OSMR: variants seen among roughly 807,000 people sequenced by gnomAD.
The protein encoded by OSMR is oncostatin M receptor.
OSMR carries 81 observed loss-of-function variants against 99.9 expected under a neutral mutation model. The ratio of observed to expected loss-of-function variants is 0.81; its 90% CI spans 0.68 to 0.97. The LOEUF is 0.97. Ranked by LOEUF, OSMR falls within the 50% of genes least tolerant of loss-of-function variation. The pLI is 0.00. For synonymous variants in OSMR, 406 were observed against 410.4 expected, an observed-to-expected ratio of 0.99 and a Z score of 0.13; for missense variants, 1,099 against 1,153.4, an observed-to-expected ratio of 0.95 and a Z score of 0.68.
chr5:38,922,885 C>T (rs983900152), intron 12 of OSMR: 2 of 152,304 alleles, frequency 1.3e-5, no homozygotes, highest in African/African-American at 4.8e-5. Context: ...AAGTGAGTCT[C>T]CTTCCTCAGC....
At chr5:38,938,332 T>C (rs1000955059), downstream of OSMR, 1 of 228,674 alleles carries the variant, frequency 4.4e-6, no homozygotes, top group Non-Finnish European at 8.7e-6. Flanking sequence ...TTTACACCAT[T>C]TGTTTTACAA....
intron 2 of OSMR, among the ~76,000 whole-genome samples, chr5:38,871,054 G>A (rs112386270): frequency 1.4e-4 from 21 of 152,286 alleles, no homozygotes; most frequent in African/African-American, 5.1e-4. Context: ...AGTAGGAAGT[G>A]GGGAACAGAG....
In OSMR at chr5:38,934,342, A is replaced by G. The variant is rs1024472980; in HGVS notation, c.*898A>G. ...TCTGCAGTAGGTTGTCTGGGTCAAGATAACTCTCAGTCACATTTATATTCA... is the reference window on the plus strand; with the variant it reads ...TCTGCAGTAGGTTGTCTGGGTCAAGGTAACTCTCAGTCACATTTATATTCA... On this transcript the variant is annotated 3_prime_UTR_variant, in exon 18 of 18. Coordinates refer to ENST00000274276, the MANE Select transcript of OSMR (RefSeq NM_003999.3). 7 of 152,500 alleles carry G rather than the reference A, an allele frequency of 4.6e-5. No homozygotes were observed. The highest frequency in any genetic ancestry group is 1.7e-4 in the African/African-American group (7 of 41,462). 9.4% of individuals were successfully genotyped at this position (152,500 alleles called of 1,614,324 possible). A position where few individuals can be genotyped will look rare whatever the true frequency, so the allele number is the denominator to read the frequency against.
chr5:38,863,924 T>G (rs1441604632), intron 1 of OSMR, among the ~76,000 whole-genome samples: 1 of 98,534 alleles, frequency 1.0e-5, no homozygotes, highest in Non-Finnish European at 2.5e-5. Context: ...AACTTTCTTT[T>G]TCTCTTTTTC....
Position 38,933,045 on chromosome 5 carries a change from C to T in OSMR, c.2541C>T (p.His847=). ...YLYLLPTEKN[H]SGPGPCICFE... is the part of the protein sequence containing the mutation. ...ATCTCCTTCCAACAGAAAAGAATCA[C>T]TCTGGCCCTGGCCCCTGCATCTGTT... The change falls in exon 18 of 18, where the codon CAC becomes CAT. Residue 847 remains histidine (H), a synonymous_variant. Coordinates refer to ENST00000274276, the MANE Select transcript of OSMR (RefSeq NM_003999.3). 6.2e-7 allele frequency: 1 copy of T among 1,614,168 alleles called. No homozygotes were observed. Among genetic ancestry groups the T allele is most frequent in the Non-Finnish European group, 8.5e-7 (1 of 1,180,012 alleles).
At chr5:38,884,179 T>A in intron 5 of OSMR, 68 bp downstream of exon 5, 1 of 1,191,986 alleles carries the variant, frequency 8.4e-7, no homozygotes, top group Non-Finnish European at 1.3e-6. Context: ...TCTCCTTTAC[T>A]AGAAGACAAA....
downstream of OSMR, among the ~76,000 whole-genome samples, chr5:38,935,901 A>T (rs1002016739): frequency 6.6e-6 from 1 of 152,204 alleles, no homozygotes; most frequent in Admixed American, 6.5e-5. Context: ...TGCCAATAGG[A>T]AATGCTGGGC....
chr5:38,859,943 T>A (rs1194210985), intron 1 of OSMR, among the ~76,000 whole-genome samples: 1 of 152,208 alleles, frequency 6.6e-6, no homozygotes, highest in Admixed American at 6.5e-5. Context: ...TTCTAAAACT[T>A]TACTGAATTC....
chr5:38,890,930 C>T lies in OSMR; in HGVS notation c.991+4740C>T, dbSNP rs569542490. Among the ~76,000 whole-genome samples, 6 of 152,170 alleles carry T rather than the reference C, an allele frequency of 3.9e-5. No individual in the cohort carries two copies. In the East Asian group the frequency reaches 9.7e-4, roughly 25 times the overall value. On this transcript the variant is annotated intron_variant, in intron 7 of 17. Transcript: ENST00000274276. ...AGCCAGGCAGAATACTTGGCATGCC[C>T]GAATACTGGGGGAATCCCATTCTAT...
At chr5:38,925,915 A>G (rs357290) in intron 15 of OSMR, among the ~76,000 whole-genome samples, 8,809 of 152,222 alleles carry the variant, frequency 0.058, 553 homozygotes, top group African/African-American at 0.15. Context: ...CTTGCTCACA[A>G]ACTCCCTGTT....
intron 17 of OSMR, 83 bp from the exon 18 acceptor site, chr5:38,932,789 G>C: frequency 1.9e-6 from 3 of 1,590,654 alleles, no homozygotes; most frequent in Middle Eastern, 4.3e-4. Context: ...AGCTCTAAGT[G>C]TATTTCACAT....
intron 1 of OSMR, among the ~76,000 whole-genome samples, chr5:38,864,482 A>G (rs544014242): frequency 1.5e-4 from 22 of 151,022 alleles, no homozygotes; most frequent in African/African-American, 5.3e-4. Context: ...TCTTGGAAAG[A>G]CTATTTCTCT....
intron 7 of OSMR, among the ~76,000 whole-genome samples, chr5:38,896,002 T>A (rs1744485672): frequency 6.6e-6 from 1 of 152,022 alleles, no homozygotes; most frequent in Non-Finnish European, 1.5e-5. Context: ...TCTGTTCTAC[T>A]GGTCTATGTA....
chr5:38,942,774 C>A (rs2112783635), intron 1 of OSMR: 9 of 1,359,098 alleles, frequency 6.6e-6, no homozygotes, highest in Middle Eastern at 2.0e-4. Context: ...TATTTTAATT[C>A]AATTCAAACA....
intron 7 of OSMR, among the ~76,000 whole-genome samples, chr5:38,894,759 A>G: frequency 6.6e-6 from 1 of 152,130 alleles, no homozygotes; most frequent in East Asian, 1.9e-4. Flanking sequence ...ACAAAAAAAT[A>G]GTTGGGGACT....
chr5:38,920,608 T>C (rs1204594096), intron 11 of OSMR, among the ~76,000 whole-genome samples: 1 of 152,228 alleles, frequency 6.6e-6, no homozygotes, highest in Non-Finnish European at 1.5e-5. Context: ...TGGGTGCCCC[T>C]AGCTGGATGA....
chr5:38,930,595 A>C (rs1307351014), intron 15 of OSMR, among the ~76,000 whole-genome samples: 1 of 152,216 alleles, frequency 6.6e-6, no homozygotes, highest in East Asian at 1.9e-4. Context: ...AGGGATGTTT[A>C]CCAACCCAGC....
chr5:38,905,768 C>T (rs554587632), intron 9 of OSMR, among the ~76,000 whole-genome samples: 49 of 152,280 alleles, frequency 3.2e-4, no homozygotes, highest in African/African-American at 1.1e-3. Context: ...GTTATTACAA[C>T]CTCTAGATCT....
At chr5:38,903,770 AG>A in intron 7 of OSMR, 111 bp from the exon 8 acceptor site, 6 of 1,514,928 alleles carry the variant, frequency 4.0e-6, no homozygotes, top group Non-Finnish European at 5.3e-6. Context: ...TGTTCTCAAA[AG>A]TGAACAAAAA....
Sources: gnomAD v4.1 joint callset for allele counts (sites outside exome capture counted in the v4.1 genomes callset) on GRCh38, gnomAD v4.1.1 for gene constraint, MANE v1.5 for transcripts, NCBI Gene and HGNC (gene_info 2026-07-23, HGNC 2026-07-21) for gene names.